TRPM7: variants seen among roughly 807,000 people sequenced by gnomAD.
TRPM7 encodes the protein transient receptor potential cation channel subfamily M member 7, also known as LTRPC ion channel family member 7.
In TRPM7, 134 loss-of-function variants were observed where a neutral mutation model predicts 229.7. That is an observed-to-expected ratio of 0.58 (90% CI 0.51 to 0.67). The LOEUF is 0.67. Ranked by LOEUF, TRPM7 falls within the 30% of genes least tolerant of loss-of-function variation. The pLI is 0.00. For synonymous variants in TRPM7, 699 were observed against 715.2 expected, an observed-to-expected ratio of 0.98 and a Z score of 0.36; for missense variants, 1,901 against 2,210.0, an observed-to-expected ratio of 0.86 and a Z score of 2.80.
intron 7 of TRPM7, among the ~76,000 whole-genome samples, chr15:50,635,533 T>C (rs978635117): frequency 6.8e-6 from 1 of 148,022 alleles, no homozygotes; most frequent in Non-Finnish European, 1.5e-5. Flanking sequence ...CATGGTGGCA[T>C]GCGCCTGCAG....
chr15:50,589,275 T>C (rs2059422784), intron 27 of TRPM7, among the ~76,000 whole-genome samples: 1 of 123,480 alleles, frequency 8.1e-6, no homozygotes, highest in African/African-American at 3.1e-5. Flanking sequence ...TAAGCGGAGA[T>C]CACACCACTG....
Position 50,561,560 on chromosome 15 carries a change from G to T in TRPM7, c.*118C>A. 1 of 1,199,544 alleles carries T rather than the reference G, an allele frequency of 8.3e-7. No individual in the cohort carries two copies. Among genetic ancestry groups the T allele is most frequent in the Non-Finnish European group, 1.2e-6 (1 of 848,938 alleles). 74.3% of individuals were successfully genotyped at this position (1,199,544 alleles called of 1,614,324 possible). ...TGACCTTTTAACTGTGCTGGAGTCA[G>T]CAAATTCAACTTGCATACACCTTTC... On this transcript the variant is annotated 3_prime_UTR_variant, in exon 39 of 39. Transcript: ENST00000646667.
chr15:50,599,077 A>G (rs998383991), intron 22 of TRPM7, 45 bp downstream of exon 22: 1 of 1,431,346 alleles, frequency 7.0e-7, no homozygotes, highest in African/African-American at 1.4e-5. Flanking sequence ...TGGTTTTAAA[A>G]CACAAAATAA....
chr15:50,563,684 T>G (rs2053433017), intron 38 of TRPM7, among the ~76,000 whole-genome samples: 1 of 152,212 alleles, frequency 6.6e-6, no homozygotes, highest in Non-Finnish European at 1.5e-5. Context: ...TCAAGAATTT[T>G]GGATTGGACA....
chr15:50,606,729 C>T (rs1369326157), intron 20 of TRPM7, among the ~76,000 whole-genome samples: 1 of 152,092 alleles, frequency 6.6e-6, no homozygotes, highest in Non-Finnish European at 1.5e-5. Flanking sequence ...GAACTCCTGA[C>T]CTCGAGTGAT....
In TRPM7 at chr15:50,599,276, A is replaced by G; in HGVS notation, c.3009T>C (p.Ile1003=). 2 of 1,606,378 alleles carry G rather than the reference A, an allele frequency of 1.2e-6. No individual in the cohort carries two copies. Among genetic ancestry groups the G allele is most frequent in the South Asian group, 2.2e-5 (2 of 89,060 alleles). The part of the protein sequence containing the change: ...IGKMVANMFY[I]VVIMALVLLS... ...GTAATACAAGAGCCATAATCACTAC[A>G]ATGTAGAACATATTGGCCACCTGTT... The change falls in exon 22 of 39, where the codon ATT becomes ATC. Residue 1003 remains isoleucine, a synonymous_variant. Transcript: ENST00000646667.
rs530673151 is a variant in TRPM7, at chr15:50,649,311, C to T, written c.123-426G>A. Among the ~76,000 whole-genome samples, 6 of 152,090 alleles carry T rather than the reference C, an allele frequency of 3.9e-5. No homozygotes were observed. In the South Asian group the frequency reaches 6.2e-4, roughly 16 times the overall value. On this transcript the variant is annotated intron_variant, in intron 3 of 38. Transcript: ENST00000646667. ...AAAATTAGGCAAGTGTGGTGGCATA[C>T]ACCTGTAGTCCCAGCTACACAGGAG... is the stretch of plus-strand genomic sequence containing the variant.
chr15:50,587,936 T>C (rs955071452), intron 27 of TRPM7, among the ~76,000 whole-genome samples: 12 of 152,218 alleles, frequency 7.9e-5, no homozygotes, highest in African/African-American at 1.7e-4. Flanking sequence ...TTCTTTCTTC[T>C]TTCTAGCACT....
At chr15:50,594,390 G>C in intron 24 of TRPM7, 39 bp downstream of exon 24, 7 of 1,494,574 alleles carry the variant, frequency 4.7e-6, no homozygotes, top group Non-Finnish European at 6.4e-6. Context: ...AATGAGAAGT[G>C]ATAAAATGAA....
At chr15:50,627,115 GACATGT>G (rs1434191538) in intron 11 of TRPM7, among the ~76,000 whole-genome samples, 1 of 146,410 alleles carries the variant, frequency 6.8e-6, no homozygotes, top group Non-Finnish European at 1.5e-5. Context: ...TATTAATTCG[GACATGT>G]AACAAAACTT....
At chr15:50,605,927 C>T (rs2059906977) in intron 20 of TRPM7, among the ~76,000 whole-genome samples, 2 of 151,308 alleles carry the variant, frequency 1.3e-5, no homozygotes, top group Non-Finnish European at 2.9e-5. Flanking sequence ...CCTTCTGGTT[C>T]GAGTTGGTGT....
At chr15:50,679,511 AATATATATAT>A (rs138501624) in intron 1 of TRPM7, among the ~76,000 whole-genome samples, 21 of 75,414 alleles carry the variant, frequency 2.8e-4, no homozygotes, top group African/African-American at 1.4e-3. Flanking sequence ...GTATATATAT[AATATATATAT>A]ATATATATAT....
intron 7 of TRPM7, 57 bp downstream of exon 7, chr15:50,637,365 G>T: frequency 6.8e-7 from 1 of 1,474,744 alleles, no homozygotes; most frequent in Non-Finnish European, 9.2e-7. Flanking sequence ...CTTTGAATTT[G>T]GCTATTAGTA....
chr15:50,665,402 A>G (rs2061855245), intron 1 of TRPM7, among the ~76,000 whole-genome samples: 1 of 152,056 alleles, frequency 6.6e-6, no homozygotes. Flanking sequence ...CTAAAAAAAA[A>G]AAAAAAAATT....
intron 3 of TRPM7, among the ~76,000 whole-genome samples, chr15:50,650,997 G>A (rs114547476): frequency 0.014 from 2,123 of 151,994 alleles, 47 homozygotes; most frequent in African/African-American, 0.049. Flanking sequence ...AGACCAGCCC[G>A]GGCAACATGG....
chr15:50,632,889 A>ACAG lies in TRPM7; in HGVS notation c.1110_1111insCTG (p.Glu370_Cys371insLeu). 6.5e-7 allele frequency: 1 copy of ACAG among 1,540,752 alleles called. No individual in the cohort carries two copies. Among genetic ancestry groups the ACAG allele is most frequent in the Non-Finnish European group, 8.7e-7 (1 of 1,150,426 alleles). Reference sequence around the variant, plus strand: ...CTTACAAGCTCCTTTCTTTTCATGCACTCCATCAGTGTTTGAAATAAATGA... The same window carrying ACAG: ...CTTACAAGCTCCTTTCTTTTCATGCACAGCTCCATCAGTGTTTGAAATAAATGA... On this transcript the variant is annotated inframe_insertion, in exon 9 of 39. Coordinates refer to ENST00000646667, the MANE Select transcript of TRPM7 (RefSeq NM_017672.6).
chr15:50,619,531 A>C (rs1395655544), intron 13 of TRPM7, among the ~76,000 whole-genome samples: 1 of 152,006 alleles, frequency 6.6e-6, no homozygotes, highest in Non-Finnish European at 1.5e-5. Flanking sequence ...CCTTGGTCTT[A>C]ATTCCATAAA....
chr15:50,682,114 T>A (rs1258716984), intron 1 of TRPM7, among the ~76,000 whole-genome samples: 1 of 138,884 alleles, frequency 7.2e-6, no homozygotes, highest in African/African-American at 2.7e-5. Flanking sequence ...GAAGGCACAG[T>A]TTGCAGTGAG....
At position 50,578,667 on chromosome 15, in the gene TRPM7, A is replaced by AAAG; in HGVS notation, c.4593-6_4593-4dup. On this transcript the variant is annotated splice_polypyrimidine_tract_variant and splice_region_variant and intron_variant, in intron 30 of 38. Coordinates refer to ENST00000646667, the MANE Select transcript of TRPM7 (RefSeq NM_017672.6). ...TTAATGTTCCTTCTTCAGATGGCCT[A>AAAG]AAGAAACACCAAAAAATATAGTATA... 1 of 1,606,548 alleles carries AAAG rather than the reference A, an allele frequency of 6.2e-7. No homozygotes were observed. Among genetic ancestry groups the AAAG allele is most frequent in the Non-Finnish European group, 8.5e-7 (1 of 1,175,504 alleles).
Sources: gnomAD v4.1 joint callset for allele counts (sites outside exome capture counted in the v4.1 genomes callset) on GRCh38, gnomAD v4.1.1 for gene constraint, MANE v1.5 for transcripts, NCBI Gene and HGNC (gene_info 2026-07-23, HGNC 2026-07-21) for gene names.